ZNF652: variants seen among roughly 807,000 people sequenced by gnomAD.
ZNF652 encodes the protein zinc finger protein 652.
A neutral mutation model predicts 45.2 loss-of-function variants in ZNF652; 16 were observed. That is an observed-to-expected ratio of 0.35 (90% confidence interval 0.24 to 0.54). The LOEUF is 0.54. Ranked by LOEUF, ZNF652 falls within the 20% of genes least tolerant of loss-of-function variation. ZNF652 has a pLI of 0.91. For synonymous variants in ZNF652, 250 were observed against 260.6 expected (o/e 0.96, Z 0.39); for missense variants, 614 against 765.6 (o/e 0.80, Z 2.34).
chr17:49,304,398 TA>T (rs1208794986), intron 5 of ZNF652, among the ~76,000 whole-genome samples: 2 of 152,158 alleles, frequency 1.3e-5, no homozygotes, highest in Admixed American at 6.6e-5. Context: ...CATCTGCCTC[TA>T]AATCTCATTA....
intron 1 of ZNF652, among the ~76,000 whole-genome samples, chr17:49,346,450 C>A (rs542510022): frequency 1.4e-4 from 22 of 152,176 alleles, no homozygotes; most frequent in Non-Finnish European, 3.2e-4. Flanking sequence ...ACTTGGGAGA[C>A]TGAGGCAGAA....
chr17:49,339,490 C>A (rs1045722486), intron 1 of ZNF652, among the ~76,000 whole-genome samples: 6 of 152,102 alleles, frequency 3.9e-5, no homozygotes, highest in Middle Eastern at 3.4e-3. Context: ...TTTCACATAA[C>A]AGTCAAGTAA....
intron 1 of ZNF652, among the ~76,000 whole-genome samples, chr17:49,339,196 A>ATTTTTTT (rs766243923): frequency 2.9e-5 from 3 of 101,772 alleles, no homozygotes; most frequent in East Asian, 2.7e-4. Flanking sequence ...TGAGTTAGGA[A>ATTTTTTT]ATTTTTTTTT....
At position 49,317,162 on chromosome 17, in the gene ZNF652, T is replaced by G. The variant is rs1001499268; in HGVS notation, c.564A>C (p.Thr188=). 1 of 1,614,036 alleles carries G rather than the reference T, an allele frequency of 6.2e-7. No homozygotes were observed. The highest frequency in any genetic ancestry group is 1.3e-5 in the African/African-American group (1 of 75,018). ...KEKIVEKVSV[T]QRRTRRAASV... ...AGGCAGCTCTCCTGGTTCTCCTTTG[T>G]GTAACGCTGACTTTCTCTACTATCT... Residue 188 remains threonine (T), a synonymous_variant, in exon 2 of 6, where the codon ACA becomes ACC. Coordinates refer to ENST00000430262, the MANE Select transcript of ZNF652 (RefSeq NM_001145365.3).
At chr17:49,321,639 A>G (rs897286039) in intron 1 of ZNF652, among the ~76,000 whole-genome samples, 1 of 152,088 alleles carries the variant, frequency 6.6e-6, no homozygotes, top group African/African-American at 2.4e-5. Context: ...GGCTTATCCA[A>G]GCTGCTACGA....
At chr17:49,310,745 T>C (rs1394468276) in intron 5 of ZNF652, among the ~76,000 whole-genome samples, 1 of 151,950 alleles carries the variant, frequency 6.6e-6, no homozygotes, top group Non-Finnish European at 1.5e-5. Flanking sequence ...CTACAAAAAA[T>C]ACAAAAATTA....
At chr17:49,305,957 C>T (rs1221906901) in intron 5 of ZNF652, among the ~76,000 whole-genome samples, 1 of 152,224 alleles carries the variant, frequency 6.6e-6, no homozygotes, top group African/African-American at 2.4e-5. Context: ...AATGTAGTTT[C>T]ATTCAGCCTT....
chr17:49,320,786 A>G (rs2143815720), intron 1 of ZNF652, among the ~76,000 whole-genome samples: 1 of 152,386 alleles, frequency 6.6e-6, no homozygotes, highest in Non-Finnish European at 1.5e-5. Flanking sequence ...AAGTCAAAGA[A>G]AAGAATAAAG....
intron 1 of ZNF652, among the ~76,000 whole-genome samples, chr17:49,331,521 A>C (rs2070024782): frequency 6.6e-6 from 1 of 152,188 alleles, no homozygotes; most frequent in Non-Finnish European, 1.5e-5. Context: ...CATTGTGGCT[A>C]CCTATGATAT....
chr17:49,324,622 T>C (rs995400427), intron 1 of ZNF652, among the ~76,000 whole-genome samples: 9 of 151,842 alleles, frequency 5.9e-5, no homozygotes, highest in Non-Finnish European at 1.2e-4. Flanking sequence ...ACTCCTGACC[T>C]CAGGTGATCT....
intron 1 of ZNF652, among the ~76,000 whole-genome samples, chr17:49,330,937 C>T (rs926244761): frequency 1.3e-5 from 2 of 150,854 alleles, no homozygotes; most frequent in African/African-American, 2.4e-5. Flanking sequence ...ATTAGCTGGG[C>T]GTGGTGACAC....
intron 1 of ZNF652, among the ~76,000 whole-genome samples, chr17:49,341,146 G>A (rs904894527): frequency 1.3e-4 from 20 of 152,102 alleles, no homozygotes; most frequent in Non-Finnish European, 2.4e-4. Context: ...AGGAGGTGGA[G>A]GTTGCAGTGA....
chr17:49,359,995 G>A (rs1307521641), intron 1 of ZNF652, among the ~76,000 whole-genome samples: 5 of 152,210 alleles, frequency 3.3e-5, no homozygotes, highest in Non-Finnish European at 5.9e-5. Context: ...CTTGGACTTT[G>A]CTGTTGAAAT....
chr17:49,301,248 T>C (rs2069548105), intron 5 of ZNF652, among the ~76,000 whole-genome samples: 1 of 152,168 alleles, frequency 6.6e-6, no homozygotes, highest in Non-Finnish European at 1.5e-5. Context: ...GAGTCAATTT[T>C]CTCCATAACT....
chr17:49,342,388 A>C (rs1001416949), intron 1 of ZNF652, among the ~76,000 whole-genome samples: 1 of 152,078 alleles, frequency 6.6e-6, no homozygotes, highest in Non-Finnish European at 1.5e-5. Flanking sequence ...ACTTCAAAGA[A>C]AAGGGGATAA....
intron 1 of ZNF652, among the ~76,000 whole-genome samples, chr17:49,325,736 T>G (rs370387123): frequency 6.6e-6 from 1 of 152,042 alleles, no homozygotes; most frequent in Non-Finnish European, 1.5e-5. Context: ...GGCACGACAA[T>G]TGCTTGAACC....
Position 49,311,997 on chromosome 17 carries a change from G to A in ZNF652, c.1094C>T (p.Ser365Leu), listed in dbSNP as rs1363696354. ...MPFTCETCGKSFKRSMSLKVH... is the reference protein window; with the variant it reads ...MPFTCETCGKLFKRSMSLKVH... ...CTTGAGTGACATACTGCGTTTGAAT[G>A]ATTTTCCACAGGTTTCGCATGTAAA... Residue 365 changes from serine (S) to leucine (L), a missense_variant, in exon 4 of 6, where the codon TCA (serine) becomes TTA (leucine). Ser to Leu is a moderately radical substitution (Grantham distance 145). Around this residue, in one of 5 missense-constraint regions of ZNF652, gnomAD observed 262 missense variants for 306.3 expected, o/e 0.86. Transcript: ENST00000430262. The A allele has an allele frequency of 1.9e-6, 3 of 1,613,962 alleles. No individual in the cohort carries two copies. Among genetic ancestry groups the A allele is most frequent in the Non-Finnish European group, 2.5e-6 (3 of 1,179,884 alleles).
intron 1 of ZNF652, among the ~76,000 whole-genome samples, chr17:49,348,150 T>C (rs540545140): frequency 6.6e-6 from 1 of 152,052 alleles, no homozygotes; most frequent in South Asian, 2.1e-4. Flanking sequence ...ATTAGCAAAA[T>C]TCAGACTATG....
At chr17:49,325,092 C>T (rs778758389) in intron 1 of ZNF652, among the ~76,000 whole-genome samples, 8 of 152,114 alleles carry the variant, frequency 5.3e-5, no homozygotes, top group Non-Finnish European at 8.8e-5. Context: ...TTTGCATTCA[C>T]GACTTGATAG....
Sources: gnomAD v4.1 joint callset for allele counts (sites outside exome capture counted in the v4.1 genomes callset) on GRCh38, gnomAD v4.1.1 for gene constraint, gnomAD v4.1.1 regional missense constraint, MANE v1.5 for transcripts, NCBI Gene and HGNC (gene_info 2026-07-23, HGNC 2026-07-21) for gene names.